Variants in AIG1 observed in about 807,000 individuals in gnomAD.
The protein encoded by AIG1 is androgen-induced gene 1 protein.
AIG1 carries 23 observed loss-of-function variants against 31.4 expected under a neutral mutation model. The ratio of observed to expected loss-of-function variants is 0.73; its 90% CI spans 0.53 to 1.04. The LOEUF (loss-of-function observed/expected upper bound fraction) is 1.04, where lower values mean the gene tolerates loss of function less well. Ranked by LOEUF, AIG1 falls within the 50% of genes least tolerant of loss-of-function variation. AIG1 has a pLI of 0.00. For missense variants in AIG1, 274 were observed against 295.0 expected (o/e 0.93, Z 0.52); for synonymous variants, 100 against 110.5 (o/e 0.90, Z 0.60).
chr6:143,117,109 T>C (rs17590859), intron 1 of AIG1, among the ~76,000 whole-genome samples: 5,803 of 152,160 alleles, frequency 0.038, 425 homozygotes, highest in East Asian at 0.32. Context: ...CAGGGCCTCA[T>C]TACAAACTAA....
chr6:143,130,682 G>A (rs866255566), intron 1 of AIG1, among the ~76,000 whole-genome samples: 1 of 152,134 alleles, frequency 6.6e-6, no homozygotes, highest in South Asian at 2.1e-4. Flanking sequence ...TCTCACAACT[G>A]CACTCCAGCT....
intron 4 of AIG1, among the ~76,000 whole-genome samples, chr6:143,313,242 A>G (rs2128708855): frequency 6.6e-6 from 1 of 152,312 alleles, no homozygotes; most frequent in Admixed American, 6.5e-5. Context: ...TTGAAGAGAC[A>G]TCTGCACTCC....
At chr6:143,211,589 A>G (rs1241168712) in intron 3 of AIG1, among the ~76,000 whole-genome samples, 3 of 152,154 alleles carry the variant, frequency 2.0e-5, no homozygotes, top group Admixed American at 6.5e-5. Context: ...AGTCTAAACA[A>G]TTTTTAAAAG....
intron 1 of AIG1, among the ~76,000 whole-genome samples, chr6:143,088,451 G>T (rs902592875): frequency 1.1e-4 from 16 of 152,170 alleles, no homozygotes; most frequent in Non-Finnish European, 2.1e-4. Context: ...CACTCAAAGT[G>T]GGTAATTTGA....
chr6:143,215,555 G>A (rs1480427151), intron 3 of AIG1, among the ~76,000 whole-genome samples: 1 of 152,162 alleles, frequency 6.6e-6, no homozygotes, highest in Non-Finnish European at 1.5e-5. Flanking sequence ...AACGAGAGCT[G>A]ACTCATCAAG....
intron 3 of AIG1, among the ~76,000 whole-genome samples, chr6:143,248,093 A>G (rs1468425829): frequency 6.6e-6 from 1 of 152,298 alleles, no homozygotes; most frequent in African/African-American, 2.4e-5. Context: ...GGAGTGTCTT[A>G]TGACTATTGA....
intron 1 of AIG1, among the ~76,000 whole-genome samples, chr6:143,095,876 G>A (rs1308538446): frequency 6.8e-6 from 1 of 147,148 alleles, no homozygotes; most frequent in Non-Finnish European, 1.5e-5. Context: ...CTGAGTTAGT[G>A]TGGTTTTAAT....
chr6:143,115,334 T>G (rs1562390867), intron 1 of AIG1, among the ~76,000 whole-genome samples: 1 of 152,204 alleles, frequency 6.6e-6, no homozygotes. Context: ...TTGCCATGTT[T>G]AAAGAAGAAC....
intron 3 of AIG1, among the ~76,000 whole-genome samples, chr6:143,191,685 G>T (rs577902067): frequency 1.3e-5 from 2 of 152,258 alleles, no homozygotes; most frequent in Non-Finnish European, 2.9e-5. Flanking sequence ...GGAAGGGTGG[G>T]AGTCTAGGAG....
intron 3 of AIG1, among the ~76,000 whole-genome samples, chr6:143,234,844 C>T (rs1284215952): frequency 3.3e-5 from 5 of 152,166 alleles, no homozygotes; most frequent in Admixed American, 3.3e-4. Flanking sequence ...CCTTTCATGA[C>T]TCATGGTGGA....
chr6:143,236,142 C>G (rs1395473315), intron 3 of AIG1, among the ~76,000 whole-genome samples: 1 of 152,238 alleles, frequency 6.6e-6, no homozygotes, highest in Non-Finnish European at 1.5e-5. Flanking sequence ...TATCTGGTTT[C>G]TGTTTCCTTT....
At chr6:143,061,228 G>A in intron 1 of AIG1, 162 bp downstream of exon 1, 1 of 892,880 alleles carries the variant, frequency 1.1e-6, no homozygotes. Flanking sequence ...TGCGTGTGAA[G>A]GCCTGGCTGC....
At chr6:143,308,415 G>A (rs1365757985) in intron 4 of AIG1, among the ~76,000 whole-genome samples, 1 of 152,206 alleles carries the variant, frequency 6.6e-6, no homozygotes, top group East Asian at 1.9e-4. Context: ...AACAGCTTTG[G>A]ATTTTTGTTA....
chr6:143,119,586 A>G (rs923800614), intron 1 of AIG1, among the ~76,000 whole-genome samples: 2 of 152,238 alleles, frequency 1.3e-5, no homozygotes, highest in African/African-American at 4.8e-5. Flanking sequence ...TAAGACAAAG[A>G]TAACACTTTT....
chr6:143,060,382 T>C, upstream of AIG1: 1 of 184,762 alleles, frequency 5.4e-6, no homozygotes, highest in Non-Finnish European at 1.2e-5. Context: ...GCACCAGCTC[T>C]CGGCCAACTG....
At chr6:143,116,793 T>G (rs879792229) in intron 1 of AIG1, among the ~76,000 whole-genome samples, 1 of 151,444 alleles carries the variant, frequency 6.6e-6, no homozygotes, top group Middle Eastern at 3.2e-3. Context: ...GCAAGTGGGC[T>G]GGACAGGAAA....
intron 3 of AIG1, among the ~76,000 whole-genome samples, chr6:143,234,461 T>C (rs939520376): frequency 2.6e-5 from 4 of 152,190 alleles, no homozygotes; most frequent in African/African-American, 9.6e-5. Flanking sequence ...TCCTTCAGAG[T>C]TCCCCCACCT....
chr6:143,300,837 A>G (rs767573906), intron 4 of AIG1, among the ~76,000 whole-genome samples: 92 of 152,370 alleles, frequency 6.0e-4, no homozygotes, highest in Non-Finnish European at 1.3e-3. Context: ...AGAAGGCATC[A>G]TGGAGAAGAA....
intron 2 of AIG1, among the ~76,000 whole-genome samples, chr6:143,156,640 GAGAC>G (rs1307845886): frequency 6.6e-6 from 1 of 152,208 alleles, no homozygotes; most frequent in Non-Finnish European, 1.5e-5. Context: ...CTTTGAGATG[GAGAC>G]CACATGCAGA....
Sources: allele counts gnomAD v4.1 joint callset (sites outside exome capture counted in the v4.1 genomes callset), GRCh38; gene constraint gnomAD v4.1.1; transcripts MANE v1.5; gene names NCBI Gene and HGNC (gene_info 2026-07-23, HGNC 2026-07-21).